The following NELL1 variants were observed in gnomAD, a reference collection of about 807,000 sequenced individuals.
The protein encoded by NELL1 is protein kinase C-binding protein NELL1.
NELL1 carries 76 observed loss-of-function variants against 107.4 expected under a neutral mutation model. The observed-to-expected ratio is 0.71, with a 90% CI of 0.59 to 0.86. The LOEUF (loss-of-function observed/expected upper bound fraction) is 0.86, where lower values mean the gene tolerates loss of function less well. Ranked by LOEUF, NELL1 falls within the 40% of genes least tolerant of loss-of-function variation. The probability of loss-of-function intolerance (pLI) is 0.00; values close to 1 mark genes in which losing one functional copy is unlikely to be tolerated. For missense variants in NELL1, 1,024 were observed against 1,005.5 expected, an observed-to-expected ratio of 1.02 and a Z score of -0.25; for synonymous variants, 353 against 341.2, an observed-to-expected ratio of 1.03 and a Z score of -0.38.
At chr11:21,046,472 C>T (rs1274670009) in intron 12 of NELL1, among the ~76,000 whole-genome samples, 1 of 152,048 alleles carries the variant, frequency 6.6e-6, no homozygotes, top group East Asian at 1.9e-4. Context: ...TTCCTCTTTT[C>T]CCATCACTGC....
intron 14 of NELL1, among the ~76,000 whole-genome samples, chr11:21,248,439 G>A (rs1467122886): frequency 6.6e-6 from 1 of 152,130 alleles, no homozygotes; most frequent in Non-Finnish European, 1.5e-5. Context: ...TTTGAATTGA[G>A]GTGGATATAG....
At chr11:21,075,208 A>C (rs1235483066) in intron 12 of NELL1, among the ~76,000 whole-genome samples, 2 of 152,196 alleles carry the variant, frequency 1.3e-5, no homozygotes, top group Non-Finnish European at 2.9e-5. Flanking sequence ...GAAACTCCTG[A>C]ATATCGGAAT....
chr11:20,689,630 G>C (rs942221122), intron 2 of NELL1, among the ~76,000 whole-genome samples: 2 of 147,720 alleles, frequency 1.4e-5, no homozygotes, highest in African/African-American at 2.5e-5. Context: ...ATTTTTTATG[G>C]CTGCATAGTA....
intron 3 of NELL1, among the ~76,000 whole-genome samples, chr11:20,827,698 G>T (rs752175312): frequency 2.0e-5 from 3 of 151,200 alleles, no homozygotes; most frequent in Admixed American, 6.6e-5. Context: ...CAAGCATATG[G>T]CCACACCTAG....
Position 21,531,069 on chromosome 11 carries a change from A to G in NELL1, c.1646-3305A>G, listed in dbSNP as rs1158141554. Among the ~76,000 whole-genome samples, 4 of 152,296 alleles carry G rather than the reference A, an allele frequency of 2.6e-5. No homozygotes were observed. In the East Asian group the frequency reaches 7.7e-4, roughly 29 times the overall value. ...ATCACTGTGATAGGACAAGATAAGT[A>G]CTAAAATAGATGTGTGTACAGATAC... is the stretch of plus-strand genomic sequence containing the variant. On this transcript the variant is annotated intron_variant, in intron 15 of 19. Transcript: ENST00000357134.
intron 12 of NELL1, among the ~76,000 whole-genome samples, chr11:21,071,396 C>T (rs1023069233): frequency 6.6e-6 from 1 of 152,044 alleles, no homozygotes; most frequent in African/African-American, 2.4e-5. Context: ...ATATTGGCCT[C>T]TCAATAAATA....
chr11:20,829,223 AT>A (rs758970966), intron 3 of NELL1, among the ~76,000 whole-genome samples: 4,615 of 118,836 alleles, frequency 0.039, 47 homozygotes, highest in African/African-American at 0.054. Context: ...CTGCAGGACT[AT>A]TTTTTTTTTT....
At chr11:20,728,002 C>G (rs1855546721) in intron 2 of NELL1, among the ~76,000 whole-genome samples, 1 of 152,160 alleles carries the variant, frequency 6.6e-6, no homozygotes, top group Non-Finnish European at 1.5e-5. Flanking sequence ...GTTATTCTAA[C>G]TGGTATGAGA....
At chr11:21,228,712 CCA>C (rs1381127881) in intron 13 of NELL1, among the ~76,000 whole-genome samples, 4 of 1,504 alleles carry the variant, frequency 2.7e-3, no homozygotes, top group Admixed American at 4.8e-3. Context: ...CCCTCCCCTC[CCA>C]CCCCTCCTTC....
At chr11:20,758,985 C>T (rs1242603753) in intron 2 of NELL1, among the ~76,000 whole-genome samples, 8 of 152,098 alleles carry the variant, frequency 5.3e-5, no homozygotes, top group South Asian at 4.1e-4. Context: ...AACTGATGTT[C>T]GTTGAGCCTA....
At position 21,570,772 on chromosome 11, in the gene NELL1, G is replaced by C. The variant is rs1309575663; in HGVS notation, c.1989G>C (p.Lys663Asn). ...RCSVCSCKDG[K>N]IFCRRTACDC... ...ACTTCATTTCTAAACAGGATGGCAA[G>C]ATATTCTGCCGACGGACAGCTTGTG... is the stretch of plus-strand genomic sequence containing the variant. Residue 663 changes from lysine (K) to asparagine (N), a missense_variant, in exon 18 of 20, where the codon AAG becomes AAC. Lys to Asn is a moderately conservative substitution (Grantham distance 94). Transcript: ENST00000357134. 6.2e-7 allele frequency: 1 copy of C among 1,611,272 alleles called. No individual in the cohort carries two copies. Among genetic ancestry groups the C allele is most frequent in the Non-Finnish European group, 8.5e-7 (1 of 1,178,332 alleles).
At chr11:21,201,983 G>A (rs1271429902) in intron 13 of NELL1, among the ~76,000 whole-genome samples, 1 of 152,194 alleles carries the variant, frequency 6.6e-6, no homozygotes, top group African/African-American at 2.4e-5. Flanking sequence ...AAGCCGACTT[G>A]ATCGTCGTGG....
At chr11:21,066,857 G>A (rs1242621908) in intron 12 of NELL1, among the ~76,000 whole-genome samples, 1 of 152,094 alleles carries the variant, frequency 6.6e-6, no homozygotes, top group Non-Finnish European at 1.5e-5. Flanking sequence ...GGGAGGCTGA[G>A]GCAGGAGGGT....
intron 14 of NELL1, among the ~76,000 whole-genome samples, chr11:21,347,729 A>G (rs548525890): frequency 6.6e-6 from 1 of 152,328 alleles, no homozygotes; most frequent in East Asian, 1.9e-4. Context: ...ACACTGAGTC[A>G]TTATTATTAG....
At chr11:21,475,573 G>A (rs763562589) in intron 15 of NELL1, among the ~76,000 whole-genome samples, 1 of 152,204 alleles carries the variant, frequency 6.6e-6, no homozygotes, top group Non-Finnish European at 1.5e-5. Flanking sequence ...GCTTCAAGAA[G>A]CAGTGCATTG....
At chr11:20,805,381 T>C (rs1420701274) in intron 3 of NELL1, among the ~76,000 whole-genome samples, 3 of 152,202 alleles carry the variant, frequency 2.0e-5, no homozygotes, top group Admixed American at 2.0e-4. Context: ...CTCTTTCATC[T>C]TTCTTTTTTT....
In NELL1 at chr11:21,070,328, G is replaced by T. The variant is rs891516354; in HGVS notation, c.1301-43261G>T. ...AGTTAAACTGCCCTTATAAAGAAATGAAGGTTTTAAAATTAGTAGACTTGG... is the reference window on the plus strand; with the variant it reads ...AGTTAAACTGCCCTTATAAAGAAATTAAGGTTTTAAAATTAGTAGACTTGG... On this transcript the variant is annotated intron_variant, in intron 12 of 19. Coordinates refer to ENST00000357134, the MANE Select transcript of NELL1 (RefSeq NM_006157.5). 9.9e-5 allele frequency among the ~76,000 whole-genome samples: 15 copies of T among 152,244 alleles called. No individual in the cohort carries two copies. The South Asian group carries it at 3.1e-3, about 32-fold the overall frequency.
chr11:21,058,554 G>A (rs1271382670), intron 12 of NELL1, among the ~76,000 whole-genome samples: 1 of 152,112 alleles, frequency 6.6e-6, no homozygotes, highest in Non-Finnish European at 1.5e-5. Flanking sequence ...CTTGCAGAGT[G>A]ACACTTAAGC....
At chr11:21,386,365 T>C (rs1851745334) in intron 15 of NELL1, among the ~76,000 whole-genome samples, 1 of 151,868 alleles carries the variant, frequency 6.6e-6, no homozygotes, top group African/African-American at 2.4e-5. Flanking sequence ...ATGTTCTGAA[T>C]GACAGAAGCA....
Sources: allele counts gnomAD v4.1 joint callset (sites outside exome capture counted in the v4.1 genomes callset), GRCh38; gene constraint gnomAD v4.1.1; transcripts MANE v1.5; gene names NCBI Gene and HGNC (gene_info 2026-07-23, HGNC 2026-07-21).